LHFPL3: variants seen among roughly 807,000 people sequenced by gnomAD.
LHFPL3 encodes LHFPL tetraspan subfamily member 3 protein.
A neutral mutation model predicts 19.3 loss-of-function variants in LHFPL3; 5 were observed. The ratio of observed to expected loss-of-function variants is 0.26; its 90% confidence interval spans 0.14 to 0.54. LHFPL3 has a LOEUF of 0.54. Ranked by LOEUF, LHFPL3 falls within the 20% of genes least tolerant of loss-of-function variation. The pLI is 0.94. For synonymous variants in LHFPL3, 133 were observed against 126.2 expected (o/e 1.05, Z -0.36); for missense variants, 249 against 307.4 (o/e 0.81, Z 1.42).
Position 104,463,267 on chromosome 7 carries a change from CT to C in LHFPL3, c.445+134045del, listed in dbSNP as rs200816333. ...AGCTTTGAATTTGGTTATTTCTTGT[CT>C]TCTGCTAGCTTTAGAGTTGGTTTGC... On this transcript the variant is annotated intron_variant, in intron 1 of 2. Transcript: ENST00000424859. 9.8e-3 allele frequency among the ~76,000 whole-genome samples: 1,487 copies of C among 152,192 alleles called. 18 individuals carry two copies. The highest frequency in any genetic ancestry group is 0.034 in the African/African-American group (1,399 of 41,514).
rs762288475 is a variant in LHFPL3 at position 104,908,314 on chromosome 7, T to G, written c.*2099T>G. Among the ~76,000 whole-genome samples the G allele has an allele frequency of 6.6e-6, 1 of 152,176 alleles. No individual in the cohort carries two copies. The highest frequency in any genetic ancestry group is 2.1e-4 in the South Asian group (1 of 4,832). ...TGCTCTGAAGATGGGTCATTGACGA[T>G]GTACCATTTGTATATAGGTAATACA... On this transcript the variant is annotated 3_prime_UTR_variant, in exon 3 of 3. Coordinates refer to ENST00000424859, the MANE Select transcript of LHFPL3 (RefSeq NM_199000.3).
chr7:104,592,834 C>T (rs965803022), intron 1 of LHFPL3, among the ~76,000 whole-genome samples: 1 of 152,140 alleles, frequency 6.6e-6, no homozygotes, highest in South Asian at 2.1e-4. Context: ...TCTCTGCCAC[C>T]TTGCAGTTCA....
chr7:104,864,677 C>A (rs1481011883), intron 2 of LHFPL3, among the ~76,000 whole-genome samples: 4 of 152,188 alleles, frequency 2.6e-5, no homozygotes, highest in Non-Finnish European at 5.9e-5. Context: ...CAGGCCATTG[C>A]CAAACAAAAG....
intron 1 of LHFPL3, among the ~76,000 whole-genome samples, chr7:104,424,442 GTCCCAGCTT>G (rs572550455): frequency 1.1e-3 from 169 of 152,260 alleles, no homozygotes; most frequent in African/African-American, 3.9e-3. Context: ...TTTCAAAATG[GTCCCAGCTT>G]TCCATTACAG....
chr7:104,556,490 C>A (rs897120815), intron 1 of LHFPL3, among the ~76,000 whole-genome samples: 8 of 152,332 alleles, frequency 5.3e-5, no homozygotes, highest in Admixed American at 3.9e-4. Flanking sequence ...CCCTTTTAGT[C>A]ACTCACAGCT....
intron 1 of LHFPL3, among the ~76,000 whole-genome samples, chr7:104,558,074 A>C (rs1442318701): frequency 4.7e-5 from 7 of 149,980 alleles, no homozygotes; most frequent in African/African-American, 1.7e-4. Flanking sequence ...AATCCAGTCT[A>C]TCACTGTTGG....
chr7:104,377,820 T>TC (rs1466209411), intron 1 of LHFPL3, among the ~76,000 whole-genome samples: 2 of 152,218 alleles, frequency 1.3e-5, no homozygotes, highest in African/African-American at 2.4e-5. Context: ...TCCTAAATTT[T>TC]CCCATGTATT....
intron 1 of LHFPL3, among the ~76,000 whole-genome samples, chr7:104,490,238 A>T (rs1221832544): frequency 6.6e-6 from 1 of 152,198 alleles, no homozygotes; most frequent in African/African-American, 2.4e-5. Context: ...AGTTTAATAA[A>T]TAAGATAAAA....
At chr7:104,621,201 A>T (rs1791440623) in intron 1 of LHFPL3, among the ~76,000 whole-genome samples, 1 of 152,200 alleles carries the variant, frequency 6.6e-6, no homozygotes, top group Admixed American at 6.5e-5. Flanking sequence ...AAGTCAAATG[A>T]GATCCAGTCC....
intron 1 of LHFPL3, among the ~76,000 whole-genome samples, chr7:104,475,370 A>G (rs1187313620): frequency 6.6e-6 from 1 of 152,112 alleles, no homozygotes; most frequent in Non-Finnish European, 1.5e-5. Context: ...ATTCCTTAGC[A>G]TATTACTGGA....
At chr7:104,438,808 G>A (rs1792162498) in intron 1 of LHFPL3, among the ~76,000 whole-genome samples, 2 of 145,296 alleles carry the variant, frequency 1.4e-5, no homozygotes, top group Admixed American at 7.4e-5. Flanking sequence ...CAAACCAAAA[G>A]TTGATTTTTT....
chr7:104,459,334 C>A (rs953547887), intron 1 of LHFPL3, among the ~76,000 whole-genome samples: 1 of 152,152 alleles, frequency 6.6e-6, no homozygotes, highest in Non-Finnish European at 1.5e-5. Flanking sequence ...TTAATGTACT[C>A]TTTGAATGTT....
chr7:104,659,562 G>C (rs1325005015), intron 1 of LHFPL3, among the ~76,000 whole-genome samples: 1 of 152,172 alleles, frequency 6.6e-6, no homozygotes, highest in Non-Finnish European at 1.5e-5. Context: ...TAAATACACA[G>C]TGATGGGGGA....
intron 1 of LHFPL3, among the ~76,000 whole-genome samples, chr7:104,424,239 C>G (rs1791793560): frequency 6.6e-6 from 1 of 152,128 alleles, no homozygotes; most frequent in South Asian, 2.1e-4. Context: ...TGACTTGTCT[C>G]TTGATAGGCA....
intron 1 of LHFPL3, among the ~76,000 whole-genome samples, chr7:104,522,416 T>G (rs1374467082): frequency 1.4e-5 from 2 of 145,248 alleles, no homozygotes. Flanking sequence ...AGGGATGGAT[T>G]GGGAGATATA....
intron 1 of LHFPL3, among the ~76,000 whole-genome samples, chr7:104,488,947 G>C (rs1185132042): frequency 6.6e-6 from 1 of 152,192 alleles, no homozygotes; most frequent in East Asian, 1.9e-4. Context: ...TGCATGACCA[G>C]GGCTGGCTTC....
intron 1 of LHFPL3, among the ~76,000 whole-genome samples, chr7:104,492,747 C>T (rs1045596320): frequency 1.3e-5 from 2 of 152,212 alleles, no homozygotes; most frequent in Non-Finnish European, 2.9e-5. Flanking sequence ...TCCTTGCTTT[C>T]CAGTTTAAAA....
chr7:104,641,320 C>G (rs7785514), intron 1 of LHFPL3, among the ~76,000 whole-genome samples: 4,635 of 152,294 alleles, frequency 0.03, 233 homozygotes, highest in African/African-American at 0.11. Context: ...TCACAAGTAG[C>G]TTCTCACTTA....
intron 1 of LHFPL3, among the ~76,000 whole-genome samples, chr7:104,549,274 A>G (rs114795776): frequency 6.6e-6 from 1 of 151,618 alleles, no homozygotes; most frequent in Non-Finnish European, 1.5e-5. Flanking sequence ...ACACATACAT[A>G]TATATATGTT....
Sources: allele counts gnomAD v4.1 joint callset (sites outside exome capture counted in the v4.1 genomes callset), GRCh38; gene constraint gnomAD v4.1.1; transcripts MANE v1.5; gene names NCBI Gene and HGNC (gene_info 2026-07-23, HGNC 2026-07-21).